Variants in ELAVL2 observed in about 807,000 individuals in gnomAD.
ELAVL2 encodes ELAV like RNA binding protein 2, also known as ELAV-like protein 2.
A neutral mutation model predicts 34.6 loss-of-function variants in ELAVL2; 4 were observed. The observed-to-expected ratio is 0.12, with a 90% CI of 0.06 to 0.26. ELAVL2 has a LOEUF of 0.26. Among genes scored for constraint, ELAVL2 ranks in the 10% least tolerant of loss-of-function variants. ELAVL2 has a pLI of 1.00. For missense variants in ELAVL2, 432 were observed against 442.8 expected (o/e 0.98, Z 0.22); for synonymous variants, 193 against 154.8 (o/e 1.25, Z -1.83).
intron 2 of ELAVL2, among the ~76,000 whole-genome samples, chr9:23,745,764 A>G (rs984912569): frequency 5.3e-5 from 8 of 152,206 alleles, no homozygotes; most frequent in African/African-American, 1.7e-4. Context: ...CAGAGGAGAT[A>G]AATGTAGGTC....
At chr9:23,701,242 A>T in intron 5 of ELAVL2, 137 bp downstream of exon 5, 2 of 895,716 alleles carry the variant, frequency 2.2e-6, no homozygotes, top group Non-Finnish European at 3.5e-6. Context: ...GCCCATGGAG[A>T]TGAAAAATTA....
In ELAVL2 at chr9:23,778,870, A is replaced by C. The variant is rs1473219061; in HGVS notation, c.-15-16621T>G. Among the ~76,000 whole-genome samples the C allele has an allele frequency of 5.3e-5, 8 of 152,290 alleles. No homozygotes were observed. The East Asian group carries it at 1.2e-3, about 22-fold the overall frequency. ...ACATTCAAAGCACTCTAAATAACTC[A>C]TTTTGGCCTGTTTATACTACTATGG... On this transcript the variant is annotated intron_variant, in intron 1 of 6. Coordinates refer to ENST00000397312, the MANE Select transcript of ELAVL2 (RefSeq NM_004432.5).
intron 2 of ELAVL2, among the ~76,000 whole-genome samples, chr9:23,756,312 T>C (rs1313657459): frequency 6.6e-6 from 1 of 152,154 alleles, no homozygotes; most frequent in Non-Finnish European, 1.5e-5. Context: ...TCAGAGGTAA[T>C]CAACATCTCT....
chr9:23,713,002 C>G (rs2041384728), intron 3 of ELAVL2, among the ~76,000 whole-genome samples: 1 of 152,202 alleles, frequency 6.6e-6, no homozygotes. Flanking sequence ...CAGCCTCTGA[C>G]AAACTACACT....
At chr9:23,725,856 AC>A in intron 3 of ELAVL2, among the ~76,000 whole-genome samples, 1 of 152,272 alleles carries the variant, frequency 6.6e-6, no homozygotes, top group South Asian at 2.1e-4. Flanking sequence ...AACTTAGCAG[AC>A]CATGAAAAGC....
At chr9:23,714,087 A>T (rs1231440113) in intron 3 of ELAVL2, among the ~76,000 whole-genome samples, 1 of 152,248 alleles carries the variant, frequency 6.6e-6, no homozygotes, top group Non-Finnish European at 1.5e-5. Context: ...ATATACATAC[A>T]TAGGAAACAA....
intron 5 of ELAVL2, among the ~76,000 whole-genome samples, chr9:23,696,777 AT>A (rs1279196205): frequency 6.6e-6 from 1 of 152,052 alleles, no homozygotes; most frequent in Non-Finnish European, 1.5e-5. Flanking sequence ...GCCATCTTTT[AT>A]TTATGGTCAT....
intron 4 of ELAVL2, among the ~76,000 whole-genome samples, chr9:23,704,175 G>A (rs1436733891): frequency 4.2e-5 from 5 of 118,394 alleles, no homozygotes; most frequent in Non-Finnish European, 7.6e-5. Context: ...CAGGTGATCC[G>A]CCCTCCTTGG....
chr9:23,756,696 G>A (rs1484644507), intron 2 of ELAVL2, among the ~76,000 whole-genome samples: 1 of 152,066 alleles, frequency 6.6e-6, no homozygotes, highest in Non-Finnish European at 1.5e-5. Context: ...GCTGAAGAGG[G>A]GACAGCACTT....
chr9:23,755,679 C>T (rs760070985), intron 2 of ELAVL2, among the ~76,000 whole-genome samples: 5 of 152,250 alleles, frequency 3.3e-5, no homozygotes, highest in South Asian at 2.1e-4. Flanking sequence ...CCACAGTTAA[C>T]GCACTGCGGA....
At chr9:23,846,235 A>G in the ELAVL2 span, among the ~76,000 whole-genome samples, 7 of 152,002 alleles carry the variant, frequency 4.6e-5, no homozygotes, top group East Asian at 5.8e-4. Context: ...TTTCTATATC[A>G]CTTACAGGTT....
intron 2 of ELAVL2, among the ~76,000 whole-genome samples, chr9:23,740,383 C>T (rs577859004): frequency 3.4e-4 from 52 of 151,406 alleles, no homozygotes; most frequent in Non-Finnish European, 4.6e-4. Context: ...AGGGCACACA[C>T]AGCTAGCTCA....
Position 23,707,589 on chromosome 9 carries a change from G to C in ELAVL2, c.334-2518C>G, listed in dbSNP as rs533930158. On this transcript the variant is annotated intron_variant, in intron 3 of 6. Transcript: ENST00000397312. ...CTCTGCATGAGATCAAGTGTCACAG[G>C]AGGCAGTGGAAATGTGGTTAAAGGT... Among the ~76,000 whole-genome samples, 3 of 152,342 alleles carry C rather than the reference G, an allele frequency of 2.0e-5. No homozygotes were observed. In the East Asian group the frequency reaches 5.8e-4, roughly 29 times the overall value.
intron 1 of ELAVL2, among the ~76,000 whole-genome samples, chr9:23,784,803 G>A (rs937218569): frequency 1.3e-5 from 2 of 152,166 alleles, no homozygotes; most frequent in African/African-American, 4.8e-5. Context: ...AATTTATGTG[G>A]AATGTCAGAA....
chr9:23,827,873 T>C (rs2138721725), upstream of ELAVL2, among the ~76,000 whole-genome samples: 1 of 152,278 alleles, frequency 6.6e-6, no homozygotes, highest in Non-Finnish European at 1.5e-5. Context: ...CGAGTTCTGT[T>C]ACTTTGCATG....
intron 3 of ELAVL2, among the ~76,000 whole-genome samples, chr9:23,712,500 C>T (rs141850451): frequency 2.1e-3 from 322 of 152,064 alleles, no homozygotes; most frequent in Non-Finnish European, 3.3e-3. Context: ...ACTAGTAATG[C>T]CTGAGAATTA....
At chr9:23,837,302 G>A in the ELAVL2 span, among the ~76,000 whole-genome samples, 1 of 152,300 alleles carries the variant, frequency 6.6e-6, no homozygotes. Context: ...TGCTGGGAAA[G>A]TACGCACTGT....
intron 3 of ELAVL2, among the ~76,000 whole-genome samples, chr9:23,723,798 G>T (rs765522308): frequency 3.9e-5 from 6 of 151,926 alleles, no homozygotes; most frequent in Non-Finnish European, 7.4e-5. Flanking sequence ...CTGTTATAAG[G>T]GTTCTGCCTC....
chr9:23,783,405 T>C lies in ELAVL2; in HGVS notation c.-15-21156A>G, dbSNP rs184100090. ...CCGAAAGTTAAACTGAAGAAAAACA[T>C]GTAACTTCAGAGAGCATGAAAAACT... On this transcript the variant is annotated intron_variant, in intron 1 of 6. Coordinates refer to ENST00000397312, the MANE Select transcript of ELAVL2 (RefSeq NM_004432.5). The C allele has an allele frequency of 1.7e-5, 17 of 978,546 alleles. No individual in the cohort carries two copies. The African/African-American group carries it at 2.3e-4, about 13-fold the overall frequency. 60.6% of individuals were successfully genotyped at this position (978,546 alleles called of 1,614,324 possible).
Sources: allele counts gnomAD v4.1 joint callset (sites outside exome capture counted in the v4.1 genomes callset), GRCh38; gene constraint gnomAD v4.1.1; transcripts MANE v1.5; gene names NCBI Gene and HGNC (gene_info 2026-07-23, HGNC 2026-07-21).